Variants in SHROOM3 observed in about 807,000 individuals in gnomAD.
SHROOM3 encodes protein Shroom3.
A neutral mutation model predicts 138.6 loss-of-function variants in SHROOM3; 47 were observed. The observed-to-expected ratio is 0.34, with a 90% CI of 0.27 to 0.43. The LOEUF (loss-of-function observed/expected upper bound fraction) is 0.43. Ranked by LOEUF, SHROOM3 falls within the 20% of genes least tolerant of loss-of-function variation. SHROOM3 has a pLI of 1.00. For synonymous variants in SHROOM3, 1,062 were observed against 1,063.3 expected, an observed-to-expected ratio of 1.00 and a Z score of 0.02; for missense variants, 2,491 against 2,596.5, an observed-to-expected ratio of 0.96 and a Z score of 0.88.
chr4:76,678,261 T>TA lies in SHROOM3; in HGVS notation c.324-31893dup, dbSNP rs201940594. ...AAATATTAAGGTTTACAAGTAAAGATAAGGGTTTTTTTGTTGACATAGAGC... is the reference window on the plus strand; with the variant it reads ...AAATATTAAGGTTTACAAGTAAAGATAAAGGGTTTTTTTGTTGACATAGAGC... On this transcript the variant is annotated intron_variant, in intron 2 of 10. Transcript: ENST00000296043. 8.6e-3 allele frequency among the ~76,000 whole-genome samples: 1,302 copies of TA among 152,158 alleles called. 10 individuals carry two copies. Among genetic ancestry groups the TA allele is most frequent in the South Asian group, 0.018 (87 of 4,828 alleles).
intron 2 of SHROOM3, among the ~76,000 whole-genome samples, chr4:76,643,081 C>A (rs1422611211): frequency 6.6e-6 from 1 of 151,862 alleles, no homozygotes; most frequent in African/African-American, 2.4e-5. Flanking sequence ...GTGGTGCATG[C>A]CTTTAATCCC....
chr4:76,439,873 G>A (rs893558620), intron 1 of SHROOM3, among the ~76,000 whole-genome samples: 3 of 152,152 alleles, frequency 2.0e-5, no homozygotes, highest in Non-Finnish European at 4.4e-5. Flanking sequence ...TGCTTTCTTT[G>A]GGATTTAATA....
chr4:76,629,949 C>A (rs904013782), intron 2 of SHROOM3, among the ~76,000 whole-genome samples: 1 of 152,098 alleles, frequency 6.6e-6, no homozygotes, highest in African/African-American at 2.4e-5. Context: ...ATATATGAAC[C>A]ATGAAATTTC....
chr4:76,450,302 T>C lies in SHROOM3; in HGVS notation c.168+14082T>C, dbSNP rs548889405. On this transcript the variant is annotated intron_variant, in intron 1 of 10. Coordinates refer to ENST00000296043, the MANE Select transcript of SHROOM3 (RefSeq NM_020859.4). ...CATTGCAAGTGGGAATGTAAAATGG[T>C]GCAGCCACTTTGGAGAAACAGATGG... Among the ~76,000 whole-genome samples, 30 of 152,312 alleles carry C rather than the reference T, an allele frequency of 2.0e-4. No homozygotes were observed. The South Asian group carries it at 6.2e-3, about 32-fold the overall frequency.
chr4:76,678,683 G>T (rs1029787379), intron 2 of SHROOM3, among the ~76,000 whole-genome samples: 2 of 152,024 alleles, frequency 1.3e-5, no homozygotes, highest in African/African-American at 4.8e-5. Flanking sequence ...TTTTTGAGAC[G>T]AAGTCTTGCT....
intron 2 of SHROOM3, among the ~76,000 whole-genome samples, chr4:76,705,096 C>T (rs917277168): frequency 5.3e-5 from 8 of 152,142 alleles, no homozygotes; most frequent in Non-Finnish European, 1.2e-4. Context: ...CAAGAGAGCC[C>T]TAAGGAACTG....
chr4:76,706,523 T>G (rs903266037), intron 2 of SHROOM3, among the ~76,000 whole-genome samples: 1 of 152,184 alleles, frequency 6.6e-6, no homozygotes, highest in African/African-American at 2.4e-5. Flanking sequence ...GTCTTCATGT[T>G]GACTAGGCTG....
At position 76,690,420 on chromosome 4, in the gene SHROOM3, G is replaced by A. The variant is rs72870064; in HGVS notation, c.324-19736G>A. Among the ~76,000 whole-genome samples, 792 of 152,266 alleles carry A rather than the reference G, an allele frequency of 5.2e-3. 3 individuals carry two copies. The highest frequency in any genetic ancestry group is 0.018 in the African/African-American group (747 of 41,542). ...TGTTGTTGTGGCGCACTGTGTGCACGGGAGCTTCTGCACTGGGAGCAAATG... is the reference window on the plus strand; with the variant it reads ...TGTTGTTGTGGCGCACTGTGTGCACAGGAGCTTCTGCACTGGGAGCAAATG... On this transcript the variant is annotated intron_variant, in intron 2 of 10. Coordinates refer to ENST00000296043, the MANE Select transcript of SHROOM3 (RefSeq NM_020859.4).
chr4:76,691,722 C>T (rs893499089), intron 2 of SHROOM3, among the ~76,000 whole-genome samples: 1 of 151,990 alleles, frequency 6.6e-6, no homozygotes, highest in Non-Finnish European at 1.5e-5. Flanking sequence ...CCACTTTTAA[C>T]CTAGTGTTAT....
rs879282695 is a variant in SHROOM3 at position 76,724,437 on chromosome 4, AT to A, written c.456-6355del. ...GTTTAACTGAAAAAATAGCTGTTTA[AT>A]TTTTTTTTTTTAACTCTCAAGCTAC... On this transcript the variant is annotated intron_variant, in intron 3 of 10. Transcript: ENST00000296043. 2.5e-3 allele frequency among the ~76,000 whole-genome samples: 370 copies of A among 148,480 alleles called. 1 individual carries two copies. The highest frequency in any genetic ancestry group is 5.6e-3 in the African/African-American group (230 of 40,708).
At chr4:76,586,357 C>G in intron 2 of SHROOM3, 6 of 985,752 alleles carry the variant, frequency 6.1e-6, no homozygotes, top group Non-Finnish European at 7.2e-6. Flanking sequence ...GCCACCTCCC[C>G]CAAGCCACCA....
intron 6 of SHROOM3, among the ~76,000 whole-genome samples, chr4:76,751,866 T>A (rs1443813490): frequency 6.6e-6 from 1 of 152,180 alleles, no homozygotes; most frequent in African/African-American, 2.4e-5. Context: ...TTAGTGGGAA[T>A]GTAAAATGGT....
chr4:76,680,186 A>T (rs1271292365), intron 2 of SHROOM3, among the ~76,000 whole-genome samples: 1 of 148,136 alleles, frequency 6.8e-6, no homozygotes, highest in Non-Finnish European at 1.5e-5. Flanking sequence ...TGTTGCCCAG[A>T]CTGGAGTACA....
At chr4:76,641,313 T>A (rs1735661537) in intron 2 of SHROOM3, among the ~76,000 whole-genome samples, 1 of 152,082 alleles carries the variant, frequency 6.6e-6, no homozygotes, top group Non-Finnish European at 1.5e-5. Flanking sequence ...GTTTAAGGAC[T>A]CTCCATCTTC....
chr4:76,546,079 T>C (rs1428238102), intron 1 of SHROOM3, among the ~76,000 whole-genome samples: 2 of 152,218 alleles, frequency 1.3e-5, no homozygotes, highest in Non-Finnish European at 2.9e-5. Context: ...TATGGAATTT[T>C]CCCTGATGGT....
chr4:76,620,144 G>T (rs530702103), intron 2 of SHROOM3, among the ~76,000 whole-genome samples: 1 of 151,686 alleles, frequency 6.6e-6, no homozygotes, highest in East Asian at 1.9e-4. Context: ...TTTTGTGAGG[G>T]ATGTTTGAAG....
chr4:76,754,055 G>A (rs1303795445), intron 6 of SHROOM3, among the ~76,000 whole-genome samples: 1 of 152,160 alleles, frequency 6.6e-6, no homozygotes. Flanking sequence ...GGCGGTGAGA[G>A]GGTTAATAAA....
chr4:76,773,483 AG>A (rs924434338), intron 10 of SHROOM3, among the ~76,000 whole-genome samples: 2 of 152,084 alleles, frequency 1.3e-5, no homozygotes, highest in African/African-American at 4.8e-5. Context: ...GGAAGGATTA[AG>A]GGGGAAACCA....
intron 10 of SHROOM3, among the ~76,000 whole-genome samples, chr4:76,778,222 ATT>A (rs71212454): frequency 2.9e-4 from 40 of 139,822 alleles, no homozygotes; most frequent in Non-Finnish European, 3.4e-4. Flanking sequence ...TACCTTGATG[ATT>A]TTTTTTTTTT....
Sources: allele counts gnomAD v4.1 joint callset (sites outside exome capture counted in the v4.1 genomes callset), GRCh38; gene constraint gnomAD v4.1.1; transcripts MANE v1.5; gene names NCBI Gene and HGNC (gene_info 2026-07-23, HGNC 2026-07-21).